Variants in EFL1 observed in about 807,000 individuals in gnomAD.
The protein encoded by EFL1 is elongation factor like GTPase 1, also known as elongation factor-like GTPase 1.
In EFL1, 76 loss-of-function variants were observed where a neutral mutation model predicts 126.7. That is an observed-to-expected ratio of 0.60 (90% confidence interval 0.50 to 0.73). The LOEUF (loss-of-function observed/expected upper bound fraction) is 0.73. EFL1 is among the 30% of genes least tolerant of loss of function. The probability of loss-of-function intolerance (pLI) is 0.00; values close to 1 mark genes in which losing one functional copy is unlikely to be tolerated. For synonymous variants in EFL1, 410 were observed against 448.4 expected (o/e 0.91, Z 1.08); for missense variants, 1,128 against 1,343.2 (o/e 0.84, Z 2.50).
intron 15 of EFL1, 31 bp downstream of exon 15, chr15:82,214,686 A>G: frequency 7.5e-7 from 1 of 1,339,072 alleles, no homozygotes; most frequent in Non-Finnish European, 1.0e-6. Flanking sequence ...CCTAGAATGG[A>G]GTAAGGATAA....
At chr15:82,251,937 T>C (rs1222897825) in intron 4 of EFL1, among the ~76,000 whole-genome samples, 1 of 152,250 alleles carries the variant, frequency 6.6e-6, no homozygotes, top group African/African-American at 2.4e-5. Context: ...TGCAGAGAGC[T>C]ACTGTTAAGG....
rs1400578135 is a variant in EFL1, at chr15:82,262,642, C to T, written c.-48G>A. On this transcript the variant is annotated 5_prime_UTR_variant, in exon 1 of 20. Transcript: ENST00000268206. ...CTGCAGCAGCCCCACCAGCCCCGCT[C>T]CTTCTCTCGGGTCGCACCCACACCG... The T allele has an allele frequency of 6.3e-6, 3 of 477,644 alleles. No homozygotes were observed. The highest frequency in any genetic ancestry group is 1.1e-5 in the Non-Finnish European group (3 of 270,290). The allele number at this position is 477,644 out of a possible 1,614,324, so 29.6% of individuals were successfully genotyped here.
chr15:82,220,143 G>A lies in EFL1; in HGVS notation c.1379C>T (p.Ala460Val), dbSNP rs776454660. Reference sequence around the variant, plus strand: ...CCCATCTTGGGTGGGCTCCAAGGGTGCCTGTCCCTGTGCTGCTGCAAGCTT... The same window carrying A: ...CCCATCTTGGGTGGGCTCCAAGGGTACCTGTCCCTGTGCTGCTGCAAGCTT... ...AEKLAAAQGQ[A>V]PLEPTQDGSA... The change falls in exon 13 of 20, where the codon GCA becomes GTA. Residue 460 changes from alanine to valine, a missense_variant. This residue lies in a region of EFL1 where 120 missense variants were observed against 142.1 expected (regional missense o/e 0.84). Transcript: ENST00000268206. 59 of 1,613,780 alleles carry A rather than the reference G, an allele frequency of 3.7e-5. No homozygotes were observed. The highest frequency in any genetic ancestry group is 2.3e-5 in the Non-Finnish European group (27 of 1,179,910).
intron 15 of EFL1, among the ~76,000 whole-genome samples, chr15:82,176,601 C>A (rs2074198417): frequency 1.3e-5 from 2 of 152,210 alleles, no homozygotes; most frequent in South Asian, 4.1e-4. Flanking sequence ...CTCTAGTCAC[C>A]AGCAAAATCT....
intron 15 of EFL1, among the ~76,000 whole-genome samples, chr15:82,180,231 T>C (rs1354810835): frequency 6.6e-6 from 1 of 152,140 alleles, no homozygotes; most frequent in Non-Finnish European, 1.5e-5. Context: ...ACTGTCTCTC[T>C]ACTCAGATAC....
intron 15 of EFL1, among the ~76,000 whole-genome samples, chr15:82,166,388 C>T (rs576517985): frequency 6.6e-6 from 1 of 152,228 alleles, no homozygotes; most frequent in South Asian, 2.1e-4. Flanking sequence ...GTCAAGAGAC[C>T]ACAATGTTCA....
chr15:82,197,938 G>A (rs1241395039), intron 15 of EFL1, among the ~76,000 whole-genome samples: 1 of 152,204 alleles, frequency 6.6e-6, no homozygotes, highest in Admixed American at 6.5e-5. Flanking sequence ...CTCTGGGCTA[G>A]GCAGGGGGAT....
At chr15:82,134,706 T>C (rs1351818137) in intron 19 of EFL1, among the ~76,000 whole-genome samples, 1 of 152,216 alleles carries the variant, frequency 6.6e-6, no homozygotes. Flanking sequence ...AAGCGATGAA[T>C]CTTGAGGTTA....
chr15:82,148,377 C>CAAAAAAAAAAA (rs547889990), intron 18 of EFL1, among the ~76,000 whole-genome samples: 1 of 94,348 alleles, frequency 1.1e-5, no homozygotes. Context: ...GAATCCATCT[C>CAAAAAAAAAAA]AAAAAAAAAA....
intron 14 of EFL1, among the ~76,000 whole-genome samples, chr15:82,215,354 CA>C (rs57660938): frequency 1.5e-4 from 23 of 148,512 alleles, no homozygotes; most frequent in African/African-American, 4.2e-4. Context: ...ATAAAAATGC[CA>C]AAAAAAAAGG....
At chr15:82,170,801 G>T (rs983225020) in intron 15 of EFL1, among the ~76,000 whole-genome samples, 1 of 152,146 alleles carries the variant, frequency 6.6e-6, no homozygotes, top group Non-Finnish European at 1.5e-5. Flanking sequence ...ATCCATTTAT[G>T]AGTTTTGTAT....
chr15:82,261,157 T>C (rs2075111889), intron 2 of EFL1, among the ~76,000 whole-genome samples: 1 of 152,216 alleles, frequency 6.6e-6, no homozygotes, highest in South Asian at 2.1e-4. Context: ...TGTGAGGTCT[T>C]TTCCTAACCC....
Position 82,236,580 on chromosome 15 carries a change from T to C in EFL1, c.731+1727A>G, listed in dbSNP as rs139570985. 2.1e-3 allele frequency among the ~76,000 whole-genome samples: 323 copies of C among 152,314 alleles called. 2 individuals are homozygous for C. The highest frequency in any genetic ancestry group is 4.0e-3 in the Non-Finnish European group (273 of 68,028). The stretch of plus-strand genomic sequence containing the variant: ...ATTCTATGGAGAATAGATAACCTTT[T>C]CAACAAAGCGTTCTAGACTAAATGG... On this transcript the variant is annotated intron_variant, in intron 7 of 19. Coordinates refer to ENST00000268206, the MANE Select transcript of EFL1 (RefSeq NM_024580.6).
chr15:82,257,966 T>C (rs1482874873), intron 3 of EFL1, among the ~76,000 whole-genome samples: 2 of 152,212 alleles, frequency 1.3e-5, no homozygotes, highest in African/African-American at 4.8e-5. Flanking sequence ...TTTCATTATT[T>C]CACTCAACCT....
At chr15:82,202,650 G>A (rs1268355036) in intron 15 of EFL1, among the ~76,000 whole-genome samples, 1 of 152,176 alleles carries the variant, frequency 6.6e-6, no homozygotes, top group African/African-American at 2.4e-5. Flanking sequence ...AGAGAGGCCT[G>A]TTGCCCAGGG....
intron 15 of EFL1, among the ~76,000 whole-genome samples, chr15:82,190,000 C>T (rs901570604): frequency 2.6e-5 from 4 of 151,708 alleles, no homozygotes; most frequent in African/African-American, 9.7e-5. Context: ...GCCTGTAGTC[C>T]CAGCTACTTG....
intron 15 of EFL1, among the ~76,000 whole-genome samples, chr15:82,198,933 T>C (rs1413977719): frequency 6.6e-6 from 1 of 151,904 alleles, no homozygotes; most frequent in African/African-American, 2.4e-5. Context: ...GAACCAAACA[T>C]ATAGTAAGCA....
At chr15:82,162,515 G>T (rs1409448551) in intron 16 of EFL1, among the ~76,000 whole-genome samples, 7 of 152,168 alleles carry the variant, frequency 4.6e-5, no homozygotes, top group African/African-American at 7.2e-5. Flanking sequence ...CCAGCCTAGT[G>T]AGTAGAATAA....
intron 4 of EFL1, among the ~76,000 whole-genome samples, chr15:82,243,513 A>G (rs78285008): frequency 0.4 from 8,410 of 20,828 alleles, 2,090 homozygotes; most frequent in African/African-American, 0.47. Context: ...ACACTTGCCT[A>G]TTCATCTGGC....
Sources: gnomAD v4.1 joint callset for allele counts (sites outside exome capture counted in the v4.1 genomes callset) on GRCh38, gnomAD v4.1.1 for gene constraint, gnomAD v4.1.1 regional missense constraint, MANE v1.5 for transcripts, NCBI Gene and HGNC (gene_info 2026-07-23, HGNC 2026-07-21) for gene names.